Variants in HEATR4 observed in about 807,000 individuals in gnomAD.
The protein encoded by HEATR4 is HEAT repeat containing 4, also known as HEAT repeat-containing protein 4.
HEATR4 carries 95 observed loss-of-function variants against 108.8 expected under a neutral mutation model. That is an observed-to-expected ratio of 0.87 (90% CI 0.74 to 1.04). The LOEUF (loss-of-function observed/expected upper bound fraction) is 1.04, where lower values mean the gene tolerates loss of function less well. Among genes scored for constraint, HEATR4 ranks in the 50% least tolerant of loss-of-function variants. The pLI is 0.00. For missense variants in HEATR4, 1,152 were observed against 1,253.8 expected (o/e 0.92, Z 1.23); for synonymous variants, 443 against 459.4 (o/e 0.96, Z 0.46).
chr14:73,481,329 C>T (rs536517759), intron 17 of HEATR4, among the ~76,000 whole-genome samples: 9 of 152,054 alleles, frequency 5.9e-5, no homozygotes, highest in African/African-American at 1.9e-4. Flanking sequence ...ATCCCAGCTA[C>T]TTGGGAGGCT....
chr14:73,491,528 C>T (rs1885740740), intron 17 of HEATR4: 1 of 1,525,658 alleles, frequency 6.6e-7, no homozygotes, highest in Non-Finnish European at 8.8e-7. Flanking sequence ...GTCGGGGCCG[C>T]AGGTGGATAA....
chr14:73,626,204 GGAA>G, the HEATR4 span, among the ~76,000 whole-genome samples: 4 of 152,164 alleles, frequency 2.6e-5, no homozygotes, highest in Admixed American at 6.6e-5. Context: ...AGGCCACATT[GGAA>G]GAAGAAGAAT....
At chr14:73,571,872 C>G in the HEATR4 span, among the ~76,000 whole-genome samples, 1 of 152,018 alleles carries the variant, frequency 6.6e-6, no homozygotes, top group African/African-American at 2.4e-5. Context: ...TTTGAGGTTA[C>G]TGGATACTTT....
chr14:73,629,149 C>T, the HEATR4 span, among the ~76,000 whole-genome samples: 28 of 152,018 alleles, frequency 1.8e-4, no homozygotes, highest in African/African-American at 5.8e-4. Context: ...CAAATGGAGG[C>T]AAAAATATCA....
intron 17 of HEATR4, among the ~76,000 whole-genome samples, chr14:73,488,740 C>T (rs1004128687): frequency 6.7e-6 from 1 of 150,036 alleles, no homozygotes; most frequent in Admixed American, 6.7e-5. Flanking sequence ...GGTAAAGAGA[C>T]AGTCGGGCAC....
chr14:73,603,770 T>C, the HEATR4 span, among the ~76,000 whole-genome samples: 2 of 152,000 alleles, frequency 1.3e-5, no homozygotes, highest in African/African-American at 2.4e-5. Context: ...AGTCTTGCTC[T>C]GTTGCCAGGT....
chr14:73,625,797 G>C, the HEATR4 span, among the ~76,000 whole-genome samples: 1 of 152,202 alleles, frequency 6.6e-6, no homozygotes, highest in African/African-American at 2.4e-5. Context: ...CCACCAACTG[G>C]CCTTTCCCAT....
chr14:73,491,187 C>A (rs769770411), intron 17 of HEATR4: 2 of 1,597,688 alleles, frequency 1.3e-6, no homozygotes, highest in South Asian at 2.3e-5. Context: ...AGGACGCAGA[C>A]GCTGCCTAGC....
chr14:73,532,985 G>T lies in HEATR4; in HGVS notation c.-151-2741C>A, dbSNP rs148849666. Among the ~76,000 whole-genome samples the T allele has an allele frequency of 2.5e-3, 283 of 113,076 alleles. 79 individuals carry two copies. The highest frequency in any genetic ancestry group is 4.0e-3 in the Non-Finnish European group (206 of 52,104). 74.2% of individuals were successfully genotyped at this position (113,076 alleles called of 152,430 possible). On this transcript the variant is annotated intron_variant, in intron 1 of 17. Transcript: ENST00000553558. ...AATAAATAAATAAATAAAAAGAAAA[G>T]AAAAGTAAAGACTAAAAAAATTAAA...
intron 4 of HEATR4, among the ~76,000 whole-genome samples, chr14:73,519,672 T>C (rs1407256981): frequency 2.0e-5 from 3 of 152,110 alleles, no homozygotes; most frequent in Non-Finnish European, 2.9e-5. Flanking sequence ...GCAGTGAAGA[T>C]AGCACCACTG....
At chr14:73,592,200 C>T in the HEATR4 span, 2 of 1,612,186 alleles carry the variant, frequency 1.2e-6, no homozygotes, top group South Asian at 2.2e-5. Context: ...CATGGGGCTG[C>T]TCTGGGCCCT....
the HEATR4 span, among the ~76,000 whole-genome samples, chr14:73,605,911 G>C: frequency 6.6e-6 from 1 of 152,072 alleles, no homozygotes; most frequent in Non-Finnish European, 1.5e-5. Flanking sequence ...CTGTTCCTAA[G>C]ATCAGTGCTT....
chr14:73,585,300 C>A, the HEATR4 span, among the ~76,000 whole-genome samples: 1 of 152,110 alleles, frequency 6.6e-6, no homozygotes. Context: ...TGCTCCACCC[C>A]CTAGGACACA....
the HEATR4 span, among the ~76,000 whole-genome samples, chr14:73,610,687 C>G: frequency 2.0e-5 from 3 of 152,166 alleles, no homozygotes; most frequent in African/African-American, 7.2e-5. Context: ...AAGGAGGTAT[C>G]TGGGTTGGGG....
chr14:73,493,408 G>A, intron 16 of HEATR4: 1 of 355,522 alleles, frequency 2.8e-6, no homozygotes. Context: ...CTTTCCTAAG[G>A]CTAGATTATT....
chr14:73,559,098 TATTG>T (rs1319991213), upstream of HEATR4, among the ~76,000 whole-genome samples: 11 of 152,026 alleles, frequency 7.2e-5, no homozygotes, highest in African/African-American at 1.2e-4. Flanking sequence ...GCATCTTATT[TATTG>T]ATTATTTATT....
the HEATR4 span, among the ~76,000 whole-genome samples, chr14:73,631,240 A>AT: frequency 2.6e-5 from 4 of 152,144 alleles, no homozygotes; most frequent in Non-Finnish European, 5.9e-5. Flanking sequence ...AATTCACCTC[A>AT]TTTTACACAT....
the HEATR4 span, among the ~76,000 whole-genome samples, chr14:73,601,177 TGTAA>T: frequency 6.6e-6 from 1 of 152,004 alleles, no homozygotes; most frequent in Non-Finnish European, 1.5e-5. Flanking sequence ...GAAATATTTT[TGTAA>T]GTGTTTAAAT....
intron 14 of HEATR4, 79 bp from the exon 15 acceptor site, chr14:73,496,758 G>A (rs1211914839): frequency 7.5e-6 from 6 of 801,518 alleles, no homozygotes; most frequent in Non-Finnish European, 1.3e-5. Context: ...ATAGGACTTG[G>A]AATCAGGTAA....
Sources: allele counts gnomAD v4.1 joint callset (sites outside exome capture counted in the v4.1 genomes callset), GRCh38; gene constraint gnomAD v4.1.1; transcripts MANE v1.5; gene names NCBI Gene and HGNC (gene_info 2026-07-23, HGNC 2026-07-21).